ANK3: variants seen among roughly 807,000 people sequenced by gnomAD.
ANK3 encodes the protein ankyrin 3, also known as ankyrin-3.
A neutral mutation model predicts 370.9 loss-of-function variants in ANK3; 57 were observed. That is an observed-to-expected ratio of 0.15 (90% CI 0.12 to 0.19). The LOEUF (loss-of-function observed/expected upper bound fraction) is 0.19. Among genes scored for constraint, ANK3 ranks in the 10% least tolerant of loss-of-function variants. The pLI is 1.00. For synonymous variants in ANK3, 1,929 were observed against 1,946.3 expected (o/e 0.99, Z 0.23); for missense variants, 4,439 against 5,302.1 (o/e 0.84, Z 5.06).
At chr10:60,328,031 T>C (rs1262480707) in intron 1 of ANK3, among the ~76,000 whole-genome samples, 1 of 152,078 alleles carries the variant, frequency 6.6e-6, no homozygotes, top group African/African-American at 2.4e-5. Flanking sequence ...GAACATATTC[T>C]TAAAAAAAAA....
At chr10:60,172,445 T>A (rs1163414233) in intron 20 of ANK3, 42 bp from the exon 21 acceptor site, 7 of 1,547,066 alleles carry the variant, frequency 4.5e-6, no homozygotes, top group Non-Finnish European at 5.3e-6. Context: ...GCAAGCCTTA[T>A]TCCACATTTT....
chr10:60,356,508 GA>G (rs1031113281), intron 1 of ANK3, among the ~76,000 whole-genome samples: 1 of 152,082 alleles, frequency 6.6e-6, no homozygotes, highest in African/African-American at 2.4e-5. Context: ...CTCCCTCAGA[GA>G]AAAAAATCCC....
chr10:60,172,930 C>G lies in ANK3; in HGVS notation c.2352G>C (p.Gln784His). Residue 784 changes from glutamine to histidine, a missense_variant, in exon 20 of 44, where the codon CAG becomes CAC. By Grantham distance (24) the Gln-to-His change is conservative. Coordinates refer to ENST00000280772, the MANE Select transcript of ANK3 (RefSeq NM_020987.5). Reference protein sequence around the residue: ...GHTHIINVLLQNNASPNELTV... With the variant: ...GHTHIINVLLHNNASPNELTV... ...TGAGTTCATTGGGGGAGGCGTTGTT[C>G]TGAAGTAAGACATTTATTATATGCG... 1 of 1,614,000 alleles carries G rather than the reference C, an allele frequency of 6.2e-7. No homozygotes were observed. Among genetic ancestry groups the G allele is most frequent in the East Asian group, 2.2e-5 (1 of 44,846 alleles).
intron 25 of ANK3, among the ~76,000 whole-genome samples, chr10:60,124,592 A>T (rs574081045): frequency 1.3e-5 from 2 of 152,376 alleles, no homozygotes; most frequent in South Asian, 4.1e-4. Context: ...GAGAAGTCAG[A>T]GCTGCCTGCT....
chr10:60,457,389 G>A (rs1316001827), intron 2 of ANK3, among the ~76,000 whole-genome samples: 1 of 152,098 alleles, frequency 6.6e-6, no homozygotes, highest in Non-Finnish European at 1.5e-5. Flanking sequence ...AAGGAAATGA[G>A]GAGAAGATAA....
chr10:60,054,151 T>C (rs1298632786), intron 42 of ANK3, among the ~76,000 whole-genome samples: 1 of 152,262 alleles, frequency 6.6e-6, no homozygotes, highest in Non-Finnish European at 1.5e-5. Context: ...TATGTGTTTG[T>C]ATAGAAATTT....
intron 2 of ANK3, among the ~76,000 whole-genome samples, chr10:60,604,961 A>C (rs1020886768): frequency 1.3e-5 from 2 of 152,222 alleles, no homozygotes; most frequent in Non-Finnish European, 2.9e-5. Context: ...GCTGCTCCCT[A>C]GATGGCTATT....
chr10:60,080,792 C>T lies in ANK3; in HGVS notation c.4351-174G>A, dbSNP rs138340980. Reference sequence around the variant, plus strand: ...CCCCCCATGTCTTAACCAAAATCATCATTTGGCAAATTTAAGAGCACCAAC... The same window carrying T: ...CCCCCCATGTCTTAACCAAAATCATTATTTGGCAAATTTAAGAGCACCAAC... On this transcript the variant is annotated intron_variant, in intron 35 of 43. Transcript: ENST00000280772. Among the ~76,000 whole-genome samples the T allele has an allele frequency of 9.9e-4, 150 of 152,172 alleles. No homozygotes were observed. The East Asian group carries it at 0.027, about 27-fold the overall frequency.
At chr10:60,082,084 T>C (rs2085420527) in intron 35 of ANK3, 66 bp downstream of exon 35, 25 of 1,347,968 alleles carry the variant, frequency 1.9e-5, no homozygotes, top group Non-Finnish European at 2.6e-5. Context: ...CCTCTGCAAC[T>C]TCTGTCATAC....
intron 2 of ANK3, among the ~76,000 whole-genome samples, chr10:60,491,311 A>G (rs968515070): frequency 2.0e-5 from 3 of 152,220 alleles, no homozygotes; most frequent in Non-Finnish European, 2.9e-5. Flanking sequence ...GACCTAGGTG[A>G]GTTATTGTCT....
At chr10:60,422,511 C>T (rs10821761) in intron 2 of ANK3, among the ~76,000 whole-genome samples, 55,537 of 151,860 alleles carry the variant, frequency 0.37, 10,479 homozygotes, top group South Asian at 0.43. Context: ...CGGGGTGACA[C>T]GTCTTTTTAT....
At chr10:60,148,606 C>T (rs1398350671) in intron 23 of ANK3, among the ~76,000 whole-genome samples, 1 of 152,140 alleles carries the variant, frequency 6.6e-6, no homozygotes, top group Non-Finnish European at 1.5e-5. Context: ...TACAGAAATT[C>T]CTTTAGTCCT....
intron 12 of ANK3, among the ~76,000 whole-genome samples, chr10:60,201,615 C>T (rs953840980): frequency 2.0e-5 from 3 of 151,862 alleles, no homozygotes; most frequent in African/African-American, 4.8e-5. Context: ...AGAATACCAT[C>T]GAGTAATCTA....
At chr10:60,068,367 G>C (rs138011680) in intron 37 of ANK3, among the ~76,000 whole-genome samples, 5 of 152,286 alleles carry the variant, frequency 3.3e-5, no homozygotes, top group African/African-American at 4.8e-5. Flanking sequence ...AAAGAAAAAA[G>C]AAGGTTGTTC....
intron 1 of ANK3, among the ~76,000 whole-genome samples, chr10:60,336,313 AGAGT>A (rs1441617600): frequency 1.3e-5 from 2 of 152,146 alleles, no homozygotes; most frequent in Non-Finnish European, 2.9e-5. Context: ...TTAAAATGTA[AGAGT>A]GAGAGGGAAG....
chr10:60,607,152 A>T (rs970194770), intron 2 of ANK3, among the ~76,000 whole-genome samples: 2 of 152,204 alleles, frequency 1.3e-5, no homozygotes, highest in Non-Finnish European at 2.9e-5. Flanking sequence ...TTTAGAAAGC[A>T]TTATCTTCCA....
chr10:60,649,469 C>A (rs1010784426), intron 1 of ANK3, among the ~76,000 whole-genome samples: 4 of 152,002 alleles, frequency 2.6e-5, no homozygotes, highest in African/African-American at 7.3e-5. Context: ...AGATGAAATA[C>A]CAAGGGTAAG....
At chr10:60,203,903 G>A (rs764623042) in intron 11 of ANK3, among the ~76,000 whole-genome samples, 36 of 152,062 alleles carry the variant, frequency 2.4e-4, no homozygotes, top group Admixed American at 1.6e-3. Flanking sequence ...TAATTTACTC[G>A]TGCTTTTTAT....
At chr10:60,306,372 C>T (rs2045084351) in intron 1 of ANK3, among the ~76,000 whole-genome samples, 1 of 151,622 alleles carries the variant, frequency 6.6e-6, no homozygotes, top group South Asian at 2.1e-4. Context: ...CAAGTTGCTG[C>T]AAAAGACATC....
Sources: allele counts gnomAD v4.1 joint callset (sites outside exome capture counted in the v4.1 genomes callset), GRCh38; gene constraint gnomAD v4.1.1; transcripts MANE v1.5; gene names NCBI Gene and HGNC (gene_info 2026-07-23, HGNC 2026-07-21).